SMYD3: variants seen among roughly 807,000 people sequenced by gnomAD.
The protein encoded by SMYD3 is SET and MYND domain containing 3.
Under a neutral mutation model 57.7 loss-of-function variants are expected in SMYD3, and 36 were observed. The ratio of observed to expected loss-of-function variants is 0.62; its 90% CI spans 0.48 to 0.82. The LOEUF is 0.82. Among genes scored for constraint, SMYD3 ranks in the 40% least tolerant of loss-of-function variants. SMYD3 has a pLI of 0.00. For synonymous variants in SMYD3, 211 were observed against 195.0 expected (o/e 1.08, Z -0.68); for missense variants, 515 against 538.8 (o/e 0.96, Z 0.44).
At chr1:246,258,551 C>A (rs2063940955) in intron 5 of SMYD3, among the ~76,000 whole-genome samples, 1 of 152,206 alleles carries the variant, frequency 6.6e-6, no homozygotes, top group African/African-American at 2.4e-5. Flanking sequence ...GCCCCCCCAA[C>A]TCACTTTGCT....
intron 5 of SMYD3, among the ~76,000 whole-genome samples, chr1:246,099,248 A>T (rs1272051568): frequency 6.6e-5 from 10 of 152,190 alleles, no homozygotes; most frequent in Admixed American, 5.9e-4. Flanking sequence ...GTGAATAAAC[A>T]GTTCTCTAAG....
intron 1 of SMYD3, among the ~76,000 whole-genome samples, chr1:246,470,520 A>AAT (rs1026535042): frequency 2.1e-5 from 3 of 141,780 alleles, no homozygotes; most frequent in Admixed American, 7.0e-5. Flanking sequence ...TAAAAAAAAA[A>AAT]ATATATATAT....
At chr1:246,199,865 C>T (rs1218185978) in intron 5 of SMYD3, among the ~76,000 whole-genome samples, 2 of 152,248 alleles carry the variant, frequency 1.3e-5, no homozygotes, top group Non-Finnish European at 2.9e-5. Flanking sequence ...CAAGAATGTA[C>T]ACAGACGCCC....
intron 1 of SMYD3, among the ~76,000 whole-genome samples, chr1:246,363,569 T>G (rs1193398510): frequency 6.6e-6 from 1 of 152,250 alleles, no homozygotes; most frequent in African/African-American, 2.4e-5. Flanking sequence ...CATTTTGTTC[T>G]GTACTAAGAA....
chr1:246,010,808 A>G (rs1489688949), intron 5 of SMYD3, among the ~76,000 whole-genome samples: 2 of 152,212 alleles, frequency 1.3e-5, no homozygotes, highest in Non-Finnish European at 2.9e-5. Context: ...TGCGTCATCT[A>G]TTTAGATAGT....
chr1:246,011,749 T>C (rs867563669), intron 5 of SMYD3, among the ~76,000 whole-genome samples: 1 of 152,206 alleles, frequency 6.6e-6, no homozygotes, highest in Non-Finnish European at 1.5e-5. Context: ...TTAAAGTGGA[T>C]TGATAACTCA....
intron 8 of SMYD3, among the ~76,000 whole-genome samples, chr1:245,864,477 G>A (rs1256387652): frequency 3.3e-5 from 5 of 152,212 alleles, no homozygotes; most frequent in East Asian, 1.9e-4. Flanking sequence ...CAACATGGAT[G>A]AGGCTTGAAT....
At chr1:246,034,181 AT>A (rs1215560135) in intron 5 of SMYD3, among the ~76,000 whole-genome samples, 1 of 152,202 alleles carries the variant, frequency 6.6e-6, no homozygotes, top group East Asian at 1.9e-4. Flanking sequence ...GTAGATTTTT[AT>A]TTGTGGATCA....
At chr1:245,838,415 T>C (rs2148409182) in intron 10 of SMYD3, among the ~76,000 whole-genome samples, 1 of 152,274 alleles carries the variant, frequency 6.6e-6, no homozygotes, top group African/African-American at 2.4e-5. Flanking sequence ...GGGCTAATGG[T>C]GGGAGAAATC....
At position 246,502,870 on chromosome 1, in the gene SMYD3, C is replaced by T. The variant is rs752375111; in HGVS notation, c.164+4184G>A. 4.8e-4 allele frequency among the ~76,000 whole-genome samples: 73 copies of T among 152,290 alleles called. 1 individual carries two copies. Among genetic ancestry groups the T allele is most frequent in the Non-Finnish European group, 8.4e-4 (57 of 68,024 alleles). On this transcript the variant is annotated intron_variant, in intron 1 of 11. Transcript: ENST00000490107. ...ACACAGTCTTTTGTCATGACGCCAG[C>T]TGTTCCACCAGGCCAATAAGCTCCT... is the stretch of plus-strand genomic sequence containing the variant.
chr1:246,413,417 T>C (rs562188383), intron 1 of SMYD3, among the ~76,000 whole-genome samples: 1 of 152,290 alleles, frequency 6.6e-6, no homozygotes, highest in East Asian at 1.9e-4. Flanking sequence ...TAAAGATTAC[T>C]GAGGAAATCA....
chr1:246,439,388 T>C (rs1407994852), intron 1 of SMYD3, among the ~76,000 whole-genome samples: 3 of 152,216 alleles, frequency 2.0e-5, no homozygotes, highest in South Asian at 2.1e-4. Flanking sequence ...AGCCTTCTCA[T>C]GTATCTTCAC....
intron 1 of SMYD3, among the ~76,000 whole-genome samples, chr1:246,458,367 A>G (rs1276311062): frequency 6.6e-6 from 1 of 152,052 alleles, no homozygotes; most frequent in East Asian, 1.9e-4. Context: ...TATCATCAAC[A>G]TAGCTCATCT....
At position 246,020,315 on chromosome 1, in the gene SMYD3, C is replaced by T. The variant is rs893149280; in HGVS notation, c.532-90378G>A. ...TGTTCTCAAGACCTGTGATTTTCAACGAGAAATTACTAAACACATTGGGGA... is the reference window on the plus strand; with the variant it reads ...TGTTCTCAAGACCTGTGATTTTCAATGAGAAATTACTAAACACATTGGGGA... On this transcript the variant is annotated intron_variant, in intron 5 of 11. Transcript: ENST00000490107. Among the ~76,000 whole-genome samples the T allele has an allele frequency of 3.9e-5, 6 of 152,266 alleles. No individual in the cohort carries two copies. The East Asian group carries it at 9.6e-4, about 24-fold the overall frequency.
At chr1:246,405,603 A>G (rs2066849333) in intron 1 of SMYD3, among the ~76,000 whole-genome samples, 1 of 152,102 alleles carries the variant, frequency 6.6e-6, no homozygotes, top group Admixed American at 6.6e-5. Flanking sequence ...ACTGTCGCAC[A>G]GCGATTAAAA....
chr1:246,494,955 G>A (rs997368606), intron 1 of SMYD3, among the ~76,000 whole-genome samples: 12 of 152,226 alleles, frequency 7.9e-5, no homozygotes, highest in Middle Eastern at 3.4e-3. Flanking sequence ...CTTAGCCCTT[G>A]GATATAAAGG....
At chr1:245,771,175 C>A (rs140716351) in intron 10 of SMYD3, among the ~76,000 whole-genome samples, 1 of 151,344 alleles carries the variant, frequency 6.6e-6, no homozygotes, top group Admixed American at 6.6e-5. Flanking sequence ...GCTGTAATGG[C>A]GGAACATTTT....
intron 5 of SMYD3, among the ~76,000 whole-genome samples, chr1:246,089,890 T>C (rs905065106): frequency 3.3e-5 from 5 of 151,958 alleles, no homozygotes; most frequent in Non-Finnish European, 5.9e-5. Context: ...TTTGCTTTTT[T>C]TTTTTTTTTC....
chr1:245,914,856 A>AC (rs75675559), intron 8 of SMYD3, among the ~76,000 whole-genome samples: 25,636 of 152,180 alleles, frequency 0.17, 2,729 homozygotes, highest in East Asian at 0.5. Flanking sequence ...TCTGTATCCC[A>AC]AAATATGTGC....
Sources: gnomAD v4.1 joint callset for allele counts (sites outside exome capture counted in the v4.1 genomes callset) on GRCh38, gnomAD v4.1.1 for gene constraint, MANE v1.5 for transcripts, NCBI Gene and HGNC (gene_info 2026-07-23, HGNC 2026-07-21) for gene names.